Variants in MVB12B observed in about 807,000 individuals in gnomAD.
MVB12B encodes multivesicular body subunit 12B.
A neutral mutation model predicts 41.6 loss-of-function variants in MVB12B; 16 were observed. The ratio of observed to expected loss-of-function variants is 0.38; its 90% CI spans 0.26 to 0.58. MVB12B has a LOEUF of 0.58. MVB12B is among the 20% of genes least tolerant of loss of function. The pLI is 0.62. For synonymous variants in MVB12B, 133 were observed against 139.7 expected, an observed-to-expected ratio of 0.95 and a Z score of 0.34; for missense variants, 274 against 380.2, an observed-to-expected ratio of 0.72 and a Z score of 2.32.
At chr9:126,465,528 C>T (rs889275721) in intron 7 of MVB12B, among the ~76,000 whole-genome samples, 10 of 152,178 alleles carry the variant, frequency 6.6e-5, no homozygotes, top group Non-Finnish European at 1.3e-4. Context: ...CCCCCTGATG[C>T]CAAGGCCAGT....
rs116874681 is a variant in MVB12B at position 126,403,689 on chromosome 9, A to G, written c.662+7992A>G. Among the ~76,000 whole-genome samples the G allele has an allele frequency of 2.5e-3, 387 of 152,310 alleles. 2 individuals carry two copies. The highest frequency in any genetic ancestry group is 4.3e-3 in the Non-Finnish European group (293 of 68,034). ...CAAGTACTTTCAACCATGTCATCTC[A>G]TTCCATGCTCACAGTAAGTGCTCAG... On this transcript the variant is annotated intron_variant, in intron 6 of 9. Transcript: ENST00000361171.
intron 9 of MVB12B, among the ~76,000 whole-genome samples, chr9:126,487,302 C>T (rs1252746043): frequency 6.6e-6 from 1 of 152,218 alleles, no homozygotes; most frequent in Admixed American, 6.5e-5. Context: ...ATCACAGCCA[C>T]CACCGTCACC....
rs140624550 is a variant in MVB12B, at chr9:126,468,425, C to T, written c.758-12944C>T. On this transcript the variant is annotated intron_variant, in intron 7 of 9. Transcript: ENST00000361171. The surrounding 1 kb of genome is among the most constrained non-coding windows in gnomAD (Gnocchi z 4.3). ...TGCTCAGCGGGACCCACGAGTTCAT[C>T]TCTGCTGCTTTTCCGCTGGCCCCCA... Among the ~76,000 whole-genome samples the T allele has an allele frequency of 7.2e-4, 110 of 152,328 alleles. No homozygotes were observed. Among genetic ancestry groups the T allele is most frequent in the African/African-American group, 2.2e-3 (90 of 41,574 alleles).
chr9:126,450,875 G>A (rs1205222030), intron 7 of MVB12B, among the ~76,000 whole-genome samples: 5 of 152,196 alleles, frequency 3.3e-5, no homozygotes, highest in Admixed American at 2.6e-4. Context: ...GGCAGATCAA[G>A]CAGGAGGAAT....
intron 7 of MVB12B, among the ~76,000 whole-genome samples, chr9:126,454,000 C>A (rs1832932373): frequency 6.6e-6 from 1 of 152,160 alleles, no homozygotes; most frequent in African/African-American, 2.4e-5. Flanking sequence ...GAAACAGACG[C>A]GGTAAAGCAG....
intron 2 of MVB12B, among the ~76,000 whole-genome samples, chr9:126,344,515 C>T (rs965106306): frequency 1.3e-5 from 2 of 152,232 alleles, no homozygotes; most frequent in East Asian, 3.9e-4. Context: ...CCACATGGCG[C>T]CTTTTTTGTT....
At chr9:126,444,560 C>T (rs1832718794) in intron 7 of MVB12B, among the ~76,000 whole-genome samples, 1 of 152,184 alleles carries the variant, frequency 6.6e-6, no homozygotes, top group African/African-American at 2.4e-5. Context: ...TGCAGGAGCT[C>T]CTCTTGCAAC....
chr9:126,423,927 C>T (rs1832098007), intron 7 of MVB12B, among the ~76,000 whole-genome samples: 1 of 152,216 alleles, frequency 6.6e-6, no homozygotes, highest in Non-Finnish European at 1.5e-5. Flanking sequence ...AAGTGTGCCC[C>T]AGGCCCTAGC....
At chr9:126,337,577 C>G (rs191104506) in intron 1 of MVB12B, among the ~76,000 whole-genome samples, 3 of 152,202 alleles carry the variant, frequency 2.0e-5, no homozygotes, top group African/African-American at 7.2e-5. Context: ...GAAAACAGAC[C>G]AGACCTAGGG....
chr9:126,332,558 C>T (rs553074281), intron 1 of MVB12B, among the ~76,000 whole-genome samples: 12 of 152,306 alleles, frequency 7.9e-5, no homozygotes, highest in Non-Finnish European at 1.5e-4. Context: ...TCCCTTCCCC[C>T]GTCCTCTGTA....
At chr9:126,498,253 T>G (rs1026876626) in intron 9 of MVB12B, among the ~76,000 whole-genome samples, 3 of 152,076 alleles carry the variant, frequency 2.0e-5, no homozygotes, top group African/African-American at 4.8e-5. Flanking sequence ...GGGGGATGAC[T>G]GGAGTGCTGA....
chr9:126,433,598 A>G (rs1366515295), intron 7 of MVB12B, among the ~76,000 whole-genome samples: 1 of 151,676 alleles, frequency 6.6e-6, no homozygotes, highest in Non-Finnish European at 1.5e-5. Context: ...TCTAGTTTGA[A>G]CTGATAGTCA....
At chr9:126,410,064 G>A (rs566584943) in intron 6 of MVB12B, among the ~76,000 whole-genome samples, 148 of 152,298 alleles carry the variant, frequency 9.7e-4, no homozygotes, top group African/African-American at 3.5e-3. Context: ...GGAACTTGGG[G>A]AGTTTGGAAT....
intron 6 of MVB12B, among the ~76,000 whole-genome samples, chr9:126,420,113 C>G (rs1831961635): frequency 6.6e-6 from 1 of 152,224 alleles, no homozygotes. Flanking sequence ...GCCCCGTTCC[C>G]TTTAACAGAA....
chr9:126,345,752 G>A (rs944720670), intron 2 of MVB12B, among the ~76,000 whole-genome samples: 4 of 152,192 alleles, frequency 2.6e-5, no homozygotes, highest in Admixed American at 6.5e-5. Flanking sequence ...GAATAAGCAG[G>A]AACTTTGTAC....
chr9:126,482,166 G>T (rs545908505), intron 8 of MVB12B, among the ~76,000 whole-genome samples: 18 of 138,478 alleles, frequency 1.3e-4, no homozygotes, highest in African/African-American at 4.6e-4. Flanking sequence ...CCCTCCAATG[G>T]CGCCAGCCCC....
intron 7 of MVB12B, among the ~76,000 whole-genome samples, chr9:126,476,782 C>G (rs1173769465): frequency 6.9e-6 from 1 of 144,164 alleles, no homozygotes; most frequent in Non-Finnish European, 1.5e-5. Context: ...GAGGCTGAGG[C>G]AGGAGAATGA....
At chr9:126,396,492 G>A (rs117572281) in intron 6 of MVB12B, 489 of 985,492 alleles carry the variant, frequency 5.0e-4, no homozygotes, top group Non-Finnish European at 5.7e-4. Flanking sequence ...TTCCACGTGG[G>A]TGAATAGAGA....
intron 2 of MVB12B, among the ~76,000 whole-genome samples, chr9:126,358,200 A>G (rs1420754353): frequency 1.3e-5 from 2 of 151,880 alleles, no homozygotes; most frequent in African/African-American, 4.8e-5. Context: ...CCAAACCCAT[A>G]CTCTTTGATT....
Sources: gnomAD v4.1 joint callset for allele counts (sites outside exome capture counted in the v4.1 genomes callset) on GRCh38, gnomAD v4.1.1 for gene constraint, Gnocchi (gnomAD v3.1) non-coding constraint, MANE v1.5 for transcripts, NCBI Gene and HGNC (gene_info 2026-07-23, HGNC 2026-07-21) for gene names.